The following PPP2R2C variants were observed in gnomAD, a reference collection of about 807,000 sequenced individuals.
PPP2R2C encodes protein phosphatase 2, regulatory subunit B, gamma.
Under a neutral mutation model 45.3 loss-of-function variants are expected in PPP2R2C, and 10 were observed. That is an observed-to-expected ratio of 0.22 (90% CI 0.14 to 0.37). The LOEUF is 0.37. Ranked by LOEUF, PPP2R2C falls within the 10% of genes least tolerant of loss-of-function variation. The pLI, the probability that PPP2R2C is intolerant of heterozygous loss-of-function variation, is 1.00. For missense variants in PPP2R2C, 308 were observed against 619.7 expected, an observed-to-expected ratio of 0.50 and a Z score of 5.34; for synonymous variants, 257 against 245.4, an observed-to-expected ratio of 1.05 and a Z score of -0.44.
At chr4:6,414,804 C>A (rs1030064542) in intron 1 of PPP2R2C, among the ~76,000 whole-genome samples, 4 of 152,160 alleles carry the variant, frequency 2.6e-5, no homozygotes, top group Admixed American at 6.5e-5. Context: ...CAACCTCAGG[C>A]CAATTGCCTA....
chr4:6,520,770 C>T (rs1018522231), intron 2 of PPP2R2C, among the ~76,000 whole-genome samples: 1 of 152,212 alleles, frequency 6.6e-6, no homozygotes, highest in African/African-American at 2.4e-5. Flanking sequence ...AGGCCCACCA[C>T]GTGCCCAGGT....
chr4:6,443,563 G>A (rs1317996624), intron 1 of PPP2R2C, among the ~76,000 whole-genome samples: 2 of 152,190 alleles, frequency 1.3e-5, no homozygotes, highest in African/African-American at 4.8e-5. Flanking sequence ...AGCAGCCTGA[G>A]GCAAAGAACA....
chr4:6,325,665 GGGGGAGAGGGA>G (rs1731881202), intron 8 of PPP2R2C, among the ~76,000 whole-genome samples: 1 of 152,142 alleles, frequency 6.6e-6, no homozygotes, highest in South Asian at 2.1e-4. Flanking sequence ...CACGTGCTCT[GGGGGAGAGGGA>G]GGGGCCCCTC....
intron 2 of PPP2R2C, among the ~76,000 whole-genome samples, chr4:6,489,895 T>G (rs1722644474): frequency 6.6e-6 from 1 of 152,156 alleles, no homozygotes; most frequent in African/African-American, 2.4e-5. Context: ...TGGTGTAACT[T>G]TTTACCCCAT....
intron 1 of PPP2R2C, among the ~76,000 whole-genome samples, chr4:6,403,729 G>T (rs1295859567): frequency 6.6e-6 from 1 of 152,134 alleles, no homozygotes; most frequent in East Asian, 1.9e-4. Context: ...TGGGCGTGGT[G>T]GTGGGTGCCT....
intron 6 of PPP2R2C, 131 bp from the exon 7 acceptor site, chr4:6,333,862 G>A (rs1019204482): frequency 1.0e-6 from 1 of 965,010 alleles, no homozygotes; most frequent in Admixed American, 2.3e-5. Flanking sequence ...CTCAAACCTA[G>A]AACTAAACAC....
chr4:6,502,243 G>A (rs1723083473), intron 2 of PPP2R2C, among the ~76,000 whole-genome samples: 1 of 152,200 alleles, frequency 6.6e-6, no homozygotes, highest in South Asian at 2.1e-4. Context: ...GGACCGTCAA[G>A]CCAAGCCACA....
chr4:6,406,214 G>C (rs1717784711), intron 1 of PPP2R2C, among the ~76,000 whole-genome samples: 1 of 152,118 alleles, frequency 6.6e-6, no homozygotes, highest in South Asian at 2.1e-4. Flanking sequence ...TCTTCAAATT[G>C]ACTCCCCTCC....
rs77782658 is a variant in PPP2R2C, at chr4:6,492,431, C to A, written c.49+42840G>T. On this transcript the variant is annotated intron_variant, in intron 2 of 9. Coordinates refer to the PPP2R2C transcript ENST00000506140. The stretch of plus-strand genomic sequence containing the variant: ...GGGTAGGGGATGCTATAAGAGCCTC[C>A]CCCCGAGTGCTCTGGCGTCTTTCTG... Among the ~76,000 whole-genome samples, 539 of 152,288 alleles carry A rather than the reference C, an allele frequency of 3.5e-3. 3 individuals are homozygous for A. The highest frequency in any genetic ancestry group is 0.012 in the African/African-American group (519 of 41,554).
At position 6,323,627 on chromosome 4, in the gene PPP2R2C, G is replaced by T. The variant is rs185216463; in HGVS notation, c.1053-34C>A. 4.7e-5 allele frequency: 70 copies of T among 1,505,176 alleles called. No individual in the cohort carries two copies. The Admixed American group carries it at 1.2e-3, about 27-fold the overall frequency. The allele number at this position is 1,505,176 out of a possible 1,614,324, so 93.2% of individuals were successfully genotyped here. A position where few individuals can be genotyped will look rare whatever the true frequency, so the allele number is the denominator to read the frequency against. On this transcript the variant is annotated intron_variant, in intron 8 of 8. Transcript: ENST00000382599. Reference sequence around the variant, plus strand: ...AGAAGGAGAGGCATCAGGTGAGGAGGAGCACAAGCCCCTTCTCGAGAAATA... The same window carrying T: ...AGAAGGAGAGGCATCAGGTGAGGAGTAGCACAAGCCCCTTCTCGAGAAATA...
intron 1 of PPP2R2C, among the ~76,000 whole-genome samples, chr4:6,433,594 TC>T (rs1553898637): frequency 6.6e-6 from 1 of 151,904 alleles, no homozygotes; most frequent in Non-Finnish European, 1.5e-5. Flanking sequence ...GGCCAAGTCA[TC>T]CCCCCCATTG....
intron 2 of PPP2R2C, among the ~76,000 whole-genome samples, chr4:6,531,120 C>T (rs746697893): frequency 2.6e-5 from 4 of 152,304 alleles, no homozygotes; most frequent in East Asian, 1.9e-4. Context: ...GCAGCAAGGG[C>T]GGGTGGGGTT....
At chr4:6,562,470 G>GGA (rs1553910071) in intron 1 of PPP2R2C, among the ~76,000 whole-genome samples, 1 of 41,946 alleles carries the variant, frequency 2.4e-5, no homozygotes, top group Non-Finnish European at 8.5e-5. Context: ...AACGGAGTCG[G>GGA]GGGGGGGGGT....
chr4:6,350,176 T>A, intron 5 of PPP2R2C: 1 of 985,444 alleles, frequency 1.0e-6, no homozygotes, highest in Non-Finnish European at 1.2e-6. Context: ...TGAAAAATGA[T>A]ACTGAAGGCC....
chr4:6,535,323 G>A (rs1724570061), exon 2 of PPP2R2C: 1 of 1,535,356 alleles, frequency 6.5e-7, no homozygotes, highest in Non-Finnish European at 8.7e-7. Context: ...CACGCATCCT[G>A]AGAGAGGTGA....
rs1415675594 is a variant in PPP2R2C, at chr4:6,328,247, G to T, written c.1052+1015C>A. Among the ~76,000 whole-genome samples the T allele has an allele frequency of 6.6e-6, 1 of 152,254 alleles. No individual in the cohort carries two copies. The highest frequency in any genetic ancestry group is 1.9e-4 in the East Asian group (1 of 5,176). On this transcript the variant is annotated intron_variant, in intron 8 of 8. Transcript: ENST00000382599. This position sits in a 1 kb window ranked among gnomAD's most constrained non-coding sequence, Gnocchi z 4.4. The stretch of plus-strand genomic sequence containing the variant: ...GCGGGGAGGAGGTGACAGTACATGG[G>T]CTCCTGACAGGTGGTATTCTGATCT...
rs562883121 is a variant in PPP2R2C at position 6,469,711 on chromosome 4, T to C, written c.70+2449A>G. On this transcript the variant is annotated intron_variant, in intron 1 of 8. Coordinates refer to ENST00000382599, the MANE Select transcript of PPP2R2C (RefSeq NM_020416.4). ...CAGTCAGGAGTCAGAGGCAGGACTTTAACATGATTCAAGTCTGACATTCTG... is the reference window on the plus strand; with the variant it reads ...CAGTCAGGAGTCAGAGGCAGGACTTCAACATGATTCAAGTCTGACATTCTG... Among the ~76,000 whole-genome samples the C allele has an allele frequency of 3.9e-5, 6 of 152,342 alleles. No individual in the cohort carries two copies. The South Asian group carries it at 1.2e-3, about 32-fold the overall frequency.
At chr4:6,373,080 C>A (rs1714987256) in intron 4 of PPP2R2C, among the ~76,000 whole-genome samples, 1 of 152,228 alleles carries the variant, frequency 6.6e-6, no homozygotes, top group Admixed American at 6.5e-5. Flanking sequence ...GACTACATTT[C>A]CCAGCAGCCT....
chr4:6,449,530 C>T (rs1283851819), intron 1 of PPP2R2C, among the ~76,000 whole-genome samples: 3 of 152,252 alleles, frequency 2.0e-5, no homozygotes. Context: ...GGACCCCCGC[C>T]GCCGCCTGGC....
Sources: gnomAD v4.1 joint callset for allele counts (sites outside exome capture counted in the v4.1 genomes callset) on GRCh38, gnomAD v4.1.1 for gene constraint, Gnocchi (gnomAD v3.1) non-coding constraint, MANE v1.5 for transcripts, NCBI Gene and HGNC (gene_info 2026-07-23, HGNC 2026-07-21) for gene names.